The following DNAI3 variants were observed in gnomAD, a reference collection of about 807,000 sequenced individuals.
DNAI3 encodes WD repeat domain 63.
In DNAI3, 83 loss-of-function variants were observed where a neutral mutation model predicts 115.5. That is an observed-to-expected ratio of 0.72 (90% CI 0.60 to 0.86). The LOEUF (loss-of-function observed/expected upper bound fraction) is 0.86. Ranked by LOEUF, DNAI3 falls within the 40% of genes least tolerant of loss-of-function variation. The pLI, the probability that DNAI3 is intolerant of heterozygous loss-of-function variation, is 0.00. For missense variants in DNAI3, 1,004 were observed against 1,075.8 expected, an observed-to-expected ratio of 0.93 and a Z score of 0.93; for synonymous variants, 320 against 347.0, an observed-to-expected ratio of 0.92 and a Z score of 0.86.
chr1:85,082,498 T>A, intron 5 of DNAI3, 94 bp downstream of exon 5: 1 of 946,170 alleles, frequency 1.1e-6, no homozygotes, highest in East Asian at 2.6e-5. Context: ...CAGGCTAGAG[T>A]GCAGTGGCAC....
intron 7 of DNAI3, among the ~76,000 whole-genome samples, chr1:85,086,859 A>G (rs1285195737): frequency 6.6e-6 from 1 of 151,950 alleles, no homozygotes; most frequent in Non-Finnish European, 1.5e-5. Flanking sequence ...TGCAAGTCAG[A>G]TCATGTCACT....
At chr1:85,087,418 G>A (rs1302582864) in intron 7 of DNAI3, among the ~76,000 whole-genome samples, 2 of 110,624 alleles carry the variant, frequency 1.8e-5, no homozygotes, top group African/African-American at 7.1e-5. Context: ...CCTGGTGATA[G>A]AGCTAGACTC....
At chr1:85,075,967 C>T (rs1571158102) in intron 3 of DNAI3, among the ~76,000 whole-genome samples, 1 of 152,184 alleles carries the variant, frequency 6.6e-6, no homozygotes, top group African/African-American at 2.4e-5. Context: ...TATCATTTAA[C>T]AGTTCTGGAA....
chr1:85,101,245 G>A (rs1029291725), intron 13 of DNAI3, among the ~76,000 whole-genome samples: 1 of 152,042 alleles, frequency 6.6e-6, no homozygotes, highest in Non-Finnish European at 1.5e-5. Flanking sequence ...AATGGATGAT[G>A]CAAAGCAATG....
chr1:85,112,909 T>C (rs1420148314), intron 16 of DNAI3, among the ~76,000 whole-genome samples: 1 of 152,146 alleles, frequency 6.6e-6, no homozygotes, highest in African/African-American at 2.4e-5. Context: ...CCTGGGATTA[T>C]AGGCATGTGC....
intron 9 of DNAI3, chr1:85,093,864 A>G (rs1195654321): frequency 1.2e-5 from 8 of 669,888 alleles, no homozygotes; most frequent in African/African-American, 5.3e-5. Flanking sequence ...CTGTTTCACA[A>G]CAAAAGGACC....
rs1167485472 is a variant in DNAI3 at position 85,128,714 on chromosome 1, A to G, written c.2324A>G (p.Gln775Arg). ...YIKPWIFSSK[Q>R]QFIATADYYG... ...TTTATTTTAAAATTTTCAGCTAAAC[A>G]GCAATTTATAGCCACAGCTGATTAT... is the stretch of plus-strand genomic sequence containing the variant. The change falls in exon 21 of 23, where the codon CAG becomes CGG. Residue 775 changes from glutamine (Q) to arginine (R), a missense_variant. Physicochemically the swap from Gln to Arg is conservative, Grantham distance 43. Around this residue, in one of 3 missense-constraint regions of DNAI3, gnomAD observed 429 missense variants for 454.3 expected, o/e 0.94. Coordinates refer to ENST00000294664, the MANE Select transcript of DNAI3 (RefSeq NM_145172.5). 3.1e-6 allele frequency: 5 copies of G among 1,601,546 alleles called. No individual in the cohort carries two copies. Among genetic ancestry groups the G allele is most frequent in the Non-Finnish European group, 4.2e-6 (5 of 1,177,410 alleles).
intron 7 of DNAI3, among the ~76,000 whole-genome samples, chr1:85,087,434 CAAAAAAAAAAAAAAAAAA>C (rs1162431713): frequency 4.3e-5 from 2 of 46,662 alleles, no homozygotes; most frequent in South Asian, 2.9e-3. Context: ...GACTCCATCT[CAAAAAAAAAAAAAAAAAA>C]AAAAAAAGAA....
At position 85,070,112 on chromosome 1, in the gene DNAI3, T is replaced by G. The variant is rs372185134; in HGVS notation, c.-14-1816T>G. 9.0e-3 allele frequency among the ~76,000 whole-genome samples: 1,368 copies of G among 152,092 alleles called. 25 individuals are homozygous for G. The highest frequency in any genetic ancestry group is 0.031 in the African/African-American group (1,301 of 41,508). ...CCCGTCTCTACTAAAAATACAAAAA[T>G]TAGCCGGGCGTGCTGGCGTGCACCT... On this transcript the variant is annotated intron_variant, in intron 1 of 22. Coordinates refer to ENST00000294664, the MANE Select transcript of DNAI3 (RefSeq NM_145172.5).
chr1:85,111,526 G>T (rs931384555), intron 16 of DNAI3, among the ~76,000 whole-genome samples: 1 of 152,164 alleles, frequency 6.6e-6, no homozygotes, highest in East Asian at 1.9e-4. Flanking sequence ...GGGTACGATG[G>T]TGAGCAAAAA....
At chr1:85,113,728 G>C (rs981622434) in intron 16 of DNAI3, among the ~76,000 whole-genome samples, 14 of 151,972 alleles carry the variant, frequency 9.2e-5, no homozygotes, top group African/African-American at 3.1e-4. Flanking sequence ...TGCATAAAAA[G>C]CTAGCTGTGA....
intron 4 of DNAI3, among the ~76,000 whole-genome samples, chr1:85,082,056 A>G (rs1654649662): frequency 6.6e-6 from 1 of 152,260 alleles, no homozygotes; most frequent in East Asian, 1.9e-4. Context: ...ATACCAAACA[A>G]AAACTGCTTC....
At chr1:85,089,139 G>A (rs956085482) in intron 7 of DNAI3, among the ~76,000 whole-genome samples, 2 of 151,874 alleles carry the variant, frequency 1.3e-5, no homozygotes, top group Admixed American at 1.3e-4. Context: ...AATGTGCTAG[G>A]CACTGTTTTT....
intron 17 of DNAI3, among the ~76,000 whole-genome samples, chr1:85,121,258 G>A (rs1349388411): frequency 2.0e-5 from 3 of 152,014 alleles, no homozygotes; most frequent in Admixed American, 6.6e-5. Context: ...AATACATATC[G>A]CTTGCTATTT....
chr1:85,123,160 A>G (rs187327162), intron 18 of DNAI3, among the ~76,000 whole-genome samples: 1 of 152,128 alleles, frequency 6.6e-6, no homozygotes, highest in African/African-American at 2.4e-5. Context: ...TTTCTTGATT[A>G]TCCCTTCTTC....
chr1:85,127,897 T>C (rs1007879377), intron 20 of DNAI3, among the ~76,000 whole-genome samples: 1 of 151,712 alleles, frequency 6.6e-6, no homozygotes, highest in Non-Finnish European at 1.5e-5. Context: ...GGTGGGGAGA[T>C]CACTTGAGTC....
At chr1:85,075,023 T>A (rs555379367) in intron 3 of DNAI3, among the ~76,000 whole-genome samples, 1 of 152,320 alleles carries the variant, frequency 6.6e-6, no homozygotes, top group Admixed American at 6.5e-5. Flanking sequence ...ATAGCACTTA[T>A]CACAATTTGT....
chr1:85,107,421 A>G (rs1226357878), intron 14 of DNAI3, among the ~76,000 whole-genome samples: 1 of 152,222 alleles, frequency 6.6e-6, no homozygotes, highest in African/African-American at 2.4e-5. Flanking sequence ...CGAAGTCCTG[A>G]TACGTGCCAG....
intron 10 of DNAI3, among the ~76,000 whole-genome samples, chr1:85,095,347 C>T (rs1326732887): frequency 6.6e-6 from 1 of 152,126 alleles, no homozygotes; most frequent in African/African-American, 2.4e-5. Context: ...TCTTCCTTTC[C>T]CCAATTCATT....
Sources: allele counts gnomAD v4.1 joint callset (sites outside exome capture counted in the v4.1 genomes callset), GRCh38; gene constraint gnomAD v4.1.1; regional missense constraint gnomAD v4.1.1; transcripts MANE v1.5; gene names NCBI Gene and HGNC (gene_info 2026-07-23, HGNC 2026-07-21).